SGCG: variants seen among roughly 807,000 people sequenced by gnomAD.
SGCG encodes gamma-sarcoglycan.
Under a neutral mutation model 29.3 loss-of-function variants are expected in SGCG, and 26 were observed. The observed-to-expected ratio is 0.89, with a 90% confidence interval of 0.65 to 1.23. The LOEUF is 1.23. SGCG is among the 50% of genes most tolerant of loss of function. SGCG has a pLI of 0.00. For missense variants in SGCG, 353 were observed against 356.0 expected (o/e 0.99, Z 0.07); for synonymous variants, 145 against 129.7 (o/e 1.12, Z -0.80).
At chr13:23,219,716 T>A (rs1878580124) in intron 2 of SGCG, among the ~76,000 whole-genome samples, 1 of 149,336 alleles carries the variant, frequency 6.7e-6, no homozygotes, top group Admixed American at 6.8e-5. Context: ...TGTATCACCA[T>A]ATCCCTTTAA....
chr13:23,246,444 A>ATT (rs1472722318), intron 3 of SGCG: 3 of 152,174 alleles, frequency 2.0e-5, no homozygotes, highest in African/African-American at 7.2e-5. Context: ...CCTTTACCAA[A>ATT]TTCAGAAAAA....
chr13:23,189,074 C>T (rs775768544), intron 1 of SGCG, among the ~76,000 whole-genome samples: 2 of 152,174 alleles, frequency 1.3e-5, no homozygotes, highest in Non-Finnish European at 2.9e-5. Flanking sequence ...GGAGAGATGA[C>T]GGGCGGTCAT....
intron 3 of SGCG, among the ~76,000 whole-genome samples, chr13:23,238,158 G>T (rs1566012361): frequency 6.6e-6 from 1 of 152,172 alleles, no homozygotes; most frequent in Non-Finnish European, 1.5e-5. Context: ...CATGAAGAGA[G>T]TTTCCAGGCT....
In SGCG at chr13:23,319,927, A is replaced by T. The variant is rs180771647; in HGVS notation, c.579-710A>T. Among the ~76,000 whole-genome samples the T allele has an allele frequency of 3.9e-5, 6 of 152,322 alleles. No individual in the cohort carries two copies. The East Asian group carries it at 1.2e-3, about 29-fold the overall frequency. ...CTATATTTGGCTTAACCACAAGGAA[A>T]GTCTGATAAATTTTACAAAACCAAA... On this transcript the variant is annotated intron_variant, in intron 6 of 7. Coordinates refer to ENST00000218867, the MANE Select transcript of SGCG (RefSeq NM_000231.3).
At chr13:23,180,276 A>G (rs1876685402), upstream of SGCG, among the ~76,000 whole-genome samples, 1 of 152,236 alleles carries the variant, frequency 6.6e-6, no homozygotes, top group African/African-American at 2.4e-5. Context: ...GAATGACCTA[A>G]TTACTCTTAA....
At chr13:23,168,457 G>A in the SGCG span, among the ~76,000 whole-genome samples, 2 of 152,056 alleles carry the variant, frequency 1.3e-5, no homozygotes, top group African/African-American at 4.8e-5. Context: ...ACAGTGTTTG[G>A]CACCTAGTTG....
intron 4 of SGCG, among the ~76,000 whole-genome samples, chr13:23,277,446 A>G (rs1452418294): frequency 6.6e-6 from 1 of 152,156 alleles, no homozygotes; most frequent in South Asian, 2.1e-4. Flanking sequence ...ATAGAGAAAA[A>G]AGTCAACTTT....
upstream of SGCG, among the ~76,000 whole-genome samples, chr13:23,179,029 C>A (rs1876646168): frequency 6.6e-6 from 1 of 152,176 alleles, no homozygotes; most frequent in African/African-American, 2.4e-5. Flanking sequence ...ACCCAAGCAC[C>A]AAATTAGGCC....
At chr13:23,318,319 T>C (rs2137523773) in intron 6 of SGCG, among the ~76,000 whole-genome samples, 1 of 151,912 alleles carries the variant, frequency 6.6e-6, no homozygotes, top group South Asian at 2.1e-4. Flanking sequence ...GTCTTTTGTA[T>C]ACATCTTTAA....
intron 4 of SGCG, among the ~76,000 whole-genome samples, chr13:23,252,880 T>C (rs9550938): frequency 0.075 from 11,395 of 152,160 alleles, 702 homozygotes; most frequent in East Asian, 0.32. Context: ...CAAGAGCACA[T>C]AGCTAGTTAG....
chr13:23,162,194 G>A, the SGCG span, among the ~76,000 whole-genome samples: 12,800 of 152,184 alleles, frequency 0.084, 620 homozygotes, highest in South Asian at 0.12. Flanking sequence ...TAATATTTAA[G>A]ATCATTTTTA....
At chr13:23,236,214 G>A (rs1164718890) in intron 3 of SGCG, among the ~76,000 whole-genome samples, 3 of 152,160 alleles carry the variant, frequency 2.0e-5, no homozygotes, top group African/African-American at 4.8e-5. Flanking sequence ...AAAAGGGGAA[G>A]TCAGACATGA....
At chr13:23,300,841 C>G (rs1418811523) in intron 6 of SGCG, among the ~76,000 whole-genome samples, 1 of 146,444 alleles carries the variant, frequency 6.8e-6, no homozygotes, top group South Asian at 2.1e-4. Flanking sequence ...AAGGGCCGGG[C>G]GCGGTGGCTC....
intron 6 of SGCG, among the ~76,000 whole-genome samples, chr13:23,310,380 C>T (rs550998651): frequency 3.3e-5 from 5 of 152,222 alleles, no homozygotes; most frequent in South Asian, 4.1e-4. Context: ...GCCACCGCGC[C>T]GGGCCTGAAT....
chr13:23,264,026 C>T (rs774656427), intron 4 of SGCG, among the ~76,000 whole-genome samples: 2 of 151,984 alleles, frequency 1.3e-5, no homozygotes, highest in Non-Finnish European at 1.5e-5. Context: ...CAGAACAAGA[C>T]GAGGATGCCC....
intron 1 of SGCG, among the ~76,000 whole-genome samples, chr13:23,201,540 C>A (rs1226346852): frequency 6.6e-6 from 1 of 152,012 alleles, no homozygotes; most frequent in East Asian, 1.9e-4. Context: ...GAGCAAGGAA[C>A]GTGGGCAGCT....
At chr13:23,180,441 C>A (rs1876689768), upstream of SGCG, among the ~76,000 whole-genome samples, 1 of 152,102 alleles carries the variant, frequency 6.6e-6, no homozygotes, top group Non-Finnish European at 1.5e-5. Flanking sequence ...AAGATTTTCT[C>A]CTCAGATGTT....
chr13:23,212,412 C>T (rs1366799662), intron 2 of SGCG, among the ~76,000 whole-genome samples: 1 of 94,736 alleles, frequency 1.1e-5, no homozygotes, highest in East Asian at 2.2e-4. Context: ...TGTTAAATGT[C>T]TGCTAACCCC....
At chr13:23,305,292 A>G (rs535675051) in intron 6 of SGCG, among the ~76,000 whole-genome samples, 1 of 152,296 alleles carries the variant, frequency 6.6e-6, no homozygotes, top group Admixed American at 6.5e-5. Context: ...ATTTGTTGCT[A>G]TTAAAAGGAG....
Sources: allele counts gnomAD v4.1 joint callset (sites outside exome capture counted in the v4.1 genomes callset), GRCh38; gene constraint gnomAD v4.1.1; transcripts MANE v1.5; gene names NCBI Gene and HGNC (gene_info 2026-07-23, HGNC 2026-07-21).